Variants in DOK5 observed in about 807,000 individuals in gnomAD.
DOK5 encodes downstream of tyrosine kinase 5.
In DOK5, 27 loss-of-function variants were observed where a neutral mutation model predicts 43.3. The ratio of observed to expected loss-of-function variants is 0.62; its 90% CI spans 0.46 to 0.86. The LOEUF is 0.86. Among genes scored for constraint, DOK5 ranks in the 40% least tolerant of loss-of-function variants. DOK5 has a pLI of 0.00. For missense variants in DOK5, 373 were observed against 392.9 expected (o/e 0.95, Z 0.43); for synonymous variants, 146 against 140.1 (o/e 1.04, Z -0.30).
intron 1 of DOK5, among the ~76,000 whole-genome samples, chr20:54,534,822 T>TCTTTCTTTCTTTCTTG (rs1271620061): frequency 2.9e-5 from 3 of 102,996 alleles, no homozygotes; most frequent in Non-Finnish European, 5.5e-5. Flanking sequence ...AAAGCATGTT[T>TCTTTCTTTCTTTCTTG]CTTTCTTTCT....
At chr20:54,575,816 G>A (rs1166377641) in intron 2 of DOK5, among the ~76,000 whole-genome samples, 2 of 152,164 alleles carry the variant, frequency 1.3e-5, no homozygotes, top group Non-Finnish European at 2.9e-5. Context: ...GTGTGTGCAC[G>A]TGTGTGAACA....
At chr20:54,606,701 C>T (rs2146788775) in intron 5 of DOK5, among the ~76,000 whole-genome samples, 1 of 152,176 alleles carries the variant, frequency 6.6e-6, no homozygotes, top group Middle Eastern at 3.4e-3. Flanking sequence ...CGGTTCCAAA[C>T]ACATCAATTA....
intron 6 of DOK5, among the ~76,000 whole-genome samples, chr20:54,640,192 T>C (rs1192985512): frequency 1.3e-5 from 2 of 152,212 alleles, no homozygotes; most frequent in African/African-American, 4.8e-5. Flanking sequence ...ACACAGACAG[T>C]GACCCTGCCA....
intron 5 of DOK5, among the ~76,000 whole-genome samples, chr20:54,607,403 GGTGTGTGT>G (rs10684906): frequency 2.0e-4 from 29 of 145,630 alleles, no homozygotes; most frequent in African/African-American, 7.1e-4. Flanking sequence ...AGTGGTAAGT[GGTGTGTGT>G]GTGTGTGTGT....
intron 2 of DOK5, among the ~76,000 whole-genome samples, chr20:54,556,850 G>A (rs1984724187): frequency 6.6e-6 from 1 of 152,092 alleles, no homozygotes; most frequent in Non-Finnish European, 1.5e-5. Flanking sequence ...AATATGTCTG[G>A]TTCTTCACAA....
At chr20:54,491,154 T>C (rs898833616) in intron 1 of DOK5, among the ~76,000 whole-genome samples, 5 of 152,228 alleles carry the variant, frequency 3.3e-5, no homozygotes, top group Admixed American at 3.3e-4. Context: ...CTGTAATGAT[T>C]TCTTAAATTA....
At chr20:54,544,849 G>A (rs1984284845) in intron 1 of DOK5, among the ~76,000 whole-genome samples, 1 of 152,144 alleles carries the variant, frequency 6.6e-6, no homozygotes, top group African/African-American at 2.4e-5. Flanking sequence ...CAACTCAAAA[G>A]GCCAATCTTA....
At chr20:54,495,973 G>T (rs1257218571) in intron 1 of DOK5, among the ~76,000 whole-genome samples, 1 of 152,188 alleles carries the variant, frequency 6.6e-6, no homozygotes, top group Non-Finnish European at 1.5e-5. Flanking sequence ...GACTGCAAAA[G>T]TTCTTTATCA....
intron 7 of DOK5, among the ~76,000 whole-genome samples, chr20:54,647,044 A>G (rs1979465304): frequency 6.6e-6 from 1 of 151,984 alleles, no homozygotes; most frequent in Non-Finnish European, 1.5e-5. Context: ...GGGAATTATC[A>G]TTTTACTACA....
intron 1 of DOK5, among the ~76,000 whole-genome samples, chr20:54,483,661 T>C (rs1981815640): frequency 6.6e-6 from 1 of 152,186 alleles, no homozygotes; most frequent in Non-Finnish European, 1.5e-5. Flanking sequence ...ATTAAACCTT[T>C]GGAGATTCTA....
At chr20:54,633,324 T>C (rs2146819012) in intron 6 of DOK5, among the ~76,000 whole-genome samples, 1 of 152,306 alleles carries the variant, frequency 6.6e-6, no homozygotes, top group South Asian at 2.1e-4. Context: ...ACCTGGAGAA[T>C]GGCAGTGAAT....
intron 6 of DOK5, among the ~76,000 whole-genome samples, chr20:54,640,946 T>C (rs1240186274): frequency 6.6e-6 from 1 of 152,212 alleles, no homozygotes; most frequent in African/African-American, 2.4e-5. Flanking sequence ...CTTTCATGTA[T>C]ACAGAAATAA....
At chr20:54,592,194 C>G (rs1391782948) in intron 5 of DOK5, among the ~76,000 whole-genome samples, 1 of 152,118 alleles carries the variant, frequency 6.6e-6, no homozygotes, top group Non-Finnish European at 1.5e-5. Flanking sequence ...GTTTCCTCAT[C>G]TGAGCTAACT....
chr20:54,635,516 C>T (rs918149114), intron 6 of DOK5, among the ~76,000 whole-genome samples: 4 of 152,198 alleles, frequency 2.6e-5, no homozygotes, highest in African/African-American at 4.8e-5. Context: ...CCAGGCCTTT[C>T]GATAAATTCC....
At chr20:54,572,399 T>C (rs753241958) in intron 2 of DOK5, among the ~76,000 whole-genome samples, 3 of 152,102 alleles carry the variant, frequency 2.0e-5, no homozygotes, top group Admixed American at 6.5e-5. Flanking sequence ...CCTGACCTCG[T>C]GATCAGCCCA....
At chr20:54,539,713 C>G (rs367999279) in intron 1 of DOK5, among the ~76,000 whole-genome samples, 238 of 152,274 alleles carry the variant, frequency 1.6e-3, no homozygotes, top group African/African-American at 5.4e-3. Flanking sequence ...TAAGACAACC[C>G]AGGACTTGAC....
chr20:54,484,371 C>T (rs1240877785), intron 1 of DOK5, among the ~76,000 whole-genome samples: 1 of 143,890 alleles, frequency 6.9e-6, no homozygotes, highest in Non-Finnish European at 1.5e-5. Context: ...AAGAGCAAGA[C>T]TTCATCTCAA....
At chr20:54,522,353 A>G (rs759034570) in intron 1 of DOK5, among the ~76,000 whole-genome samples, 1 of 152,204 alleles carries the variant, frequency 6.6e-6, no homozygotes, top group Non-Finnish European at 1.5e-5. Flanking sequence ...CTCAATCAGT[A>G]CTTACTGAAT....
chr20:54,513,010 C>T lies in DOK5; in HGVS notation c.66+36998C>T, dbSNP rs1046399430. Among the ~76,000 whole-genome samples the T allele has an allele frequency of 7.2e-5, 11 of 152,258 alleles. No individual in the cohort carries two copies. The East Asian group carries it at 1.5e-3, about 21-fold the overall frequency. Reference sequence around the variant, plus strand: ...TCCCCCTTATACACCAGCAGATCCTCGGGTTGTTTGGGGTCATGTGATACC... The same window carrying T: ...TCCCCCTTATACACCAGCAGATCCTTGGGTTGTTTGGGGTCATGTGATACC... On this transcript the variant is annotated intron_variant, in intron 1 of 7. Transcript: ENST00000262593.
Sources: gnomAD v4.1 joint callset for allele counts (sites outside exome capture counted in the v4.1 genomes callset) on GRCh38, gnomAD v4.1.1 for gene constraint, MANE v1.5 for transcripts, NCBI Gene and HGNC (gene_info 2026-07-23, HGNC 2026-07-21) for gene names.